The following MYOM1 variants were observed in gnomAD, a reference collection of about 807,000 sequenced individuals.
MYOM1 encodes the protein myomesin-1.
MYOM1 carries 164 observed loss-of-function variants against 205.3 expected under a neutral mutation model. The observed-to-expected ratio is 0.80, with a 90% CI of 0.70 to 0.91. The LOEUF (loss-of-function observed/expected upper bound fraction) is 0.91. Among genes scored for constraint, MYOM1 ranks in the 40% least tolerant of loss-of-function variants. The pLI, the probability that MYOM1 is intolerant of heterozygous loss-of-function variation, is 0.00. For synonymous variants in MYOM1, 772 were observed against 789.4 expected, an observed-to-expected ratio of 0.98 and a Z score of 0.37; for missense variants, 2,011 against 2,127.3, an observed-to-expected ratio of 0.95 and a Z score of 1.08.
At chr18:3,184,912 T>C (rs1359541469) in intron 5 of MYOM1, among the ~76,000 whole-genome samples, 1 of 152,214 alleles carries the variant, frequency 6.6e-6, no homozygotes, top group Non-Finnish European at 1.5e-5. Flanking sequence ...CCCTAGGACA[T>C]AAACTTCACA....
At chr18:3,110,074 GC>G (rs2079504136) in intron 22 of MYOM1, among the ~76,000 whole-genome samples, 1 of 152,108 alleles carries the variant, frequency 6.6e-6, no homozygotes, top group South Asian at 2.1e-4. Context: ...AAATTTAAAA[GC>G]TTAAATAAAA....
intron 29 of MYOM1, among the ~76,000 whole-genome samples, chr18:3,088,808 A>G (rs2079186281): frequency 6.6e-6 from 1 of 152,190 alleles, no homozygotes; most frequent in Admixed American, 6.5e-5. Flanking sequence ...CACAATTTAC[A>G]TGGCAAGGTC....
In MYOM1 at chr18:3,090,720, T is replaced by C; in HGVS notation, c.3947A>G (p.Tyr1316Cys). The part of the protein sequence containing the change: ...EKLQDEDEGT[Y>C]TFQLQDGKAT... Reference sequence around the variant, plus strand: ...TTTTCCATCTTGAAGCTGGAAAGTGTACGTTCCCTCATCCTCATCCTGTAG... The same window carrying C: ...TTTTCCATCTTGAAGCTGGAAAGTGCACGTTCCCTCATCCTCATCCTGTAG... Residue 1316 changes from tyrosine to cysteine, a missense_variant, in exon 27 of 38, where the codon TAC becomes TGC. Coordinates refer to ENST00000356443, the MANE Select transcript of MYOM1 (RefSeq NM_003803.4). 5 of 1,613,992 alleles carry C rather than the reference T, an allele frequency of 3.1e-6. No homozygotes were observed. The highest frequency in any genetic ancestry group is 4.2e-6 in the Non-Finnish European group (5 of 1,179,880).
chr18:3,157,199 C>G (rs979087467), intron 10 of MYOM1, among the ~76,000 whole-genome samples: 2 of 152,164 alleles, frequency 1.3e-5, no homozygotes, highest in Non-Finnish European at 2.9e-5. Flanking sequence ...GGCAGGAATA[C>G]GCTGTAATGG....
At chr18:3,221,176 G>A (rs2081326280), upstream of MYOM1, among the ~76,000 whole-genome samples, 2 of 151,818 alleles carry the variant, frequency 1.3e-5, no homozygotes, top group Non-Finnish European at 2.9e-5. Flanking sequence ...CATCACACTC[G>A]GCTAATTTTT....
In MYOM1 at chr18:3,071,849, G is replaced by C; in HGVS notation, c.4749C>G (p.Thr1583=). 1 of 1,603,882 alleles carries C rather than the reference G, an allele frequency of 6.2e-7. No homozygotes were observed. Among genetic ancestry groups the C allele is most frequent in the African/African-American group, 1.3e-5 (1 of 74,792 alleles). ...RVLGGLPDVV[T]IQEGKALNLT... is the part of the protein sequence containing the mutation. ...TCATGCTTACCTTCCCCTCCTGGAT[G>C]GTGACCACGTCTGGGAGACCTCCCA... Residue 1583 remains threonine, a synonymous_variant, in exon 37 of 38, where the codon ACC becomes ACG. Transcript: ENST00000356443.
In MYOM1 at chr18:3,152,134, T is replaced by C. The variant is rs183756366; in HGVS notation, c.1644-241A>G. 6.6e-6 allele frequency among the ~76,000 whole-genome samples: 1 copy of C among 152,254 alleles called. No homozygotes were observed. The highest frequency in any genetic ancestry group is 2.4e-5 in the African/African-American group (1 of 41,538). On this transcript the variant is annotated intron_variant, in intron 11 of 37. Transcript: ENST00000356443. The surrounding 1 kb of genome is among the most constrained non-coding windows in gnomAD (Gnocchi z 4.3). ...CCTGAACTCGTAAAAAGCAGGCATC[T>C]GAGGGGCCTTGTGTAGAAAGCAGAG...
chr18:3,068,053 T>A (rs2078918304), intron 37 of MYOM1, among the ~76,000 whole-genome samples: 1 of 152,068 alleles, frequency 6.6e-6, no homozygotes, highest in Non-Finnish European at 1.5e-5. Flanking sequence ...TTATTTTACT[T>A]CTCTCCTCAA....
chr18:3,120,663 C>T (rs886699638), intron 19 of MYOM1, among the ~76,000 whole-genome samples: 9 of 152,140 alleles, frequency 5.9e-5, no homozygotes, highest in African/African-American at 2.2e-4. Context: ...TGTTTTCAGC[C>T]ACCGAGTCTG....
intron 8 of MYOM1, 22 bp from the exon 9 acceptor site, chr18:3,169,003 A>G (rs1323295016): frequency 1.3e-6 from 2 of 1,595,042 alleles, no homozygotes; most frequent in Non-Finnish European, 1.7e-6. Flanking sequence ...AATAACAAAT[A>G]TCAGTAATTT....
intron 29 of MYOM1, among the ~76,000 whole-genome samples, chr18:3,087,315 T>G (rs1343518692): frequency 6.9e-6 from 1 of 144,172 alleles, no homozygotes; most frequent in Non-Finnish European, 1.5e-5. Context: ...GAAGTTTTTT[T>G]GGGCTTTTTT....
At chr18:3,172,336 A>G (rs549719695) in intron 8 of MYOM1, among the ~76,000 whole-genome samples, 1 of 152,282 alleles carries the variant, frequency 6.6e-6, no homozygotes, top group African/African-American at 2.4e-5. Context: ...CAATAAGAGA[A>G]GTGAGAGTGA....
At chr18:3,182,384 G>A (rs1444820419) in intron 5 of MYOM1, among the ~76,000 whole-genome samples, 1 of 152,156 alleles carries the variant, frequency 6.6e-6, no homozygotes, top group East Asian at 1.9e-4. Context: ...GTATACATAT[G>A]TAACAAACCT....
chr18:3,168,833 G>A lies in MYOM1; in HGVS notation c.1323C>T (p.Ile441=), dbSNP rs1256743837. The change falls in exon 9 of 38, where the codon ATC becomes ATT. Residue 441 remains isoleucine (I), a synonymous_variant. Transcript: ENST00000356443. ...AAGACTCACCGTTTCTGTACCACTG[G>A]ATCTCTGGCTGGAAATGTTTAATTT... The part of the protein sequence containing the change: ...TPEIKHFQPE[I]QWYRNGVPLS... The A allele has an allele frequency of 6.2e-6, 10 of 1,613,718 alleles. No homozygotes were observed. Among genetic ancestry groups the A allele is most frequent in the Admixed American group, 1.7e-5 (1 of 59,982 alleles).
rs376736366 is a variant in MYOM1, at chr18:3,084,972, C to T, written c.4339+73G>A. On this transcript the variant is annotated intron_variant, in intron 31 of 37. Coordinates refer to ENST00000356443, the MANE Select transcript of MYOM1 (RefSeq NM_003803.4). ...ATCAGCATGATTTCAATCGTCAGCT[C>T]GGCCTCAATCATCATTCTGGTAAGC... 22 of 1,129,618 alleles carry T rather than the reference C, an allele frequency of 1.9e-5. No homozygotes were observed. In the East Asian group the frequency reaches 2.8e-4, roughly 14 times the overall value. The allele number at this position is 1,129,618 out of a possible 1,614,324, so 70.0% of individuals were successfully genotyped here.
chr18:3,117,352 C>T (rs1042975111), intron 20 of MYOM1, among the ~76,000 whole-genome samples: 2 of 152,206 alleles, frequency 1.3e-5, no homozygotes, highest in East Asian at 1.9e-4. Flanking sequence ...TAAAAACAAA[C>T]GATAGGTTAT....
chr18:3,174,163 A>G lies in MYOM1; in HGVS notation c.1068T>C (p.Asn356=). The G allele has an allele frequency of 6.2e-7, 1 of 1,614,036 alleles. No individual in the cohort carries two copies. Among genetic ancestry groups the G allele is most frequent in the East Asian group, 2.2e-5 (1 of 44,888 alleles). Reference sequence around the variant, plus strand: ...CATATGCCGAAAGCTCTCCTTTAACATTCATCGCCGAGGCCCGGTACTGAG... The same window carrying G: ...CATATGCCGAAAGCTCTCCTTTAACGTTCATCGCCGAGGCCCGGTACTGAG... ...DTAQYRASAM[N]VKGELSAYAS... Residue 356 remains asparagine (N), a synonymous_variant, in exon 7 of 38, where the codon AAT becomes AAC. Coordinates refer to ENST00000356443, the MANE Select transcript of MYOM1 (RefSeq NM_003803.4).
At chr18:3,153,443 T>A (rs1256381914) in intron 11 of MYOM1, among the ~76,000 whole-genome samples, 1 of 152,184 alleles carries the variant, frequency 6.6e-6, no homozygotes, top group Non-Finnish European at 1.5e-5. Flanking sequence ...ACACAGTAAA[T>A]GCTTAATAAA....
chr18:3,136,207 C>T (rs967128348), intron 14 of MYOM1, among the ~76,000 whole-genome samples: 3 of 152,098 alleles, frequency 2.0e-5, no homozygotes, highest in East Asian at 1.9e-4. Flanking sequence ...AACTGTGAGT[C>T]CATTAAACCT....
Sources: allele counts gnomAD v4.1 joint callset (sites outside exome capture counted in the v4.1 genomes callset), GRCh38; gene constraint gnomAD v4.1.1; non-coding constraint Gnocchi (gnomAD v3.1); transcripts MANE v1.5; gene names NCBI Gene and HGNC (gene_info 2026-07-23, HGNC 2026-07-21).